The following SH3PXD2B variants were observed in gnomAD, a reference collection of about 807,000 sequenced individuals.
SH3PXD2B encodes SH3 and PX domain-containing protein 2B.
In SH3PXD2B, 37 loss-of-function variants were observed where a neutral mutation model predicts 73.1. The ratio of observed to expected loss-of-function variants is 0.51; its 90% CI spans 0.39 to 0.67. The LOEUF (loss-of-function observed/expected upper bound fraction) is 0.67. SH3PXD2B is among the 30% of genes least tolerant of loss of function. The pLI is 0.00. For synonymous variants in SH3PXD2B, 457 were observed against 480.5 expected, an observed-to-expected ratio of 0.95 and a Z score of 0.64; for missense variants, 1,053 against 1,197.8, an observed-to-expected ratio of 0.88 and a Z score of 1.78.
chr5:172,343,985 CA>C (rs1165638676), intron 12 of SH3PXD2B, among the ~76,000 whole-genome samples: 1 of 150,632 alleles, frequency 6.6e-6, no homozygotes, highest in African/African-American at 2.4e-5. Context: ...AAAAGAAAAA[CA>C]AACTAACCAA....
chr5:172,379,373 C>T (rs907604287), intron 5 of SH3PXD2B, among the ~76,000 whole-genome samples: 1 of 151,766 alleles, frequency 6.6e-6, no homozygotes, highest in Non-Finnish European at 1.5e-5. Context: ...CTCTCTCTCT[C>T]TCCCATGTGG....
At chr5:172,329,081 A>ATTTTTTTTT (rs67185423), downstream of SH3PXD2B, among the ~76,000 whole-genome samples, 11 of 68,210 alleles carry the variant, frequency 1.6e-4, no homozygotes, top group East Asian at 4.4e-4. Flanking sequence ...ATATATATAT[A>ATTTTTTTTT]TATTTTTTTT....
intron 6 of SH3PXD2B, among the ~76,000 whole-genome samples, chr5:172,367,794 T>A (rs1256254585): frequency 6.6e-6 from 1 of 152,084 alleles, no homozygotes; most frequent in East Asian, 1.9e-4. Context: ...CTTTCCTCAT[T>A]ACTACTGGTT....
chr5:172,441,736 G>A (rs1000702975), intron 1 of SH3PXD2B, among the ~76,000 whole-genome samples: 4 of 152,024 alleles, frequency 2.6e-5, no homozygotes, highest in African/African-American at 9.7e-5. Flanking sequence ...CTCCCTTCCC[G>A]CTGAGCTTGG....
chr5:172,437,780 T>C (rs920040028), intron 1 of SH3PXD2B, among the ~76,000 whole-genome samples: 9 of 152,246 alleles, frequency 5.9e-5, no homozygotes, highest in African/African-American at 2.2e-4. Context: ...GTGTTCCTAC[T>C]GCACTCTGTC....
intron 8 of SH3PXD2B, among the ~76,000 whole-genome samples, chr5:172,357,608 C>T (rs532894659): frequency 2.6e-5 from 4 of 152,184 alleles, no homozygotes; most frequent in African/African-American, 7.2e-5. Flanking sequence ...GGCGCTCTCA[C>T]GGTGGTCATC....
At chr5:172,439,690 G>GCACACACACACACACACACACACACACA (rs1488784600) in intron 1 of SH3PXD2B, among the ~76,000 whole-genome samples, 6 of 113,162 alleles carry the variant, frequency 5.3e-5, no homozygotes, top group Non-Finnish European at 1.1e-4. Flanking sequence ...GCGCACGCGC[G>GCACACACACACACACACACACACACACA]CGCACACACA....
chr5:172,399,076 G>C (rs1758371754), intron 3 of SH3PXD2B, among the ~76,000 whole-genome samples: 1 of 152,144 alleles, frequency 6.6e-6, no homozygotes, highest in South Asian at 2.1e-4. Flanking sequence ...GATTTGATCT[G>C]AATTTAACTG....
At chr5:172,449,089 GCAA>G (rs1275278583) in intron 1 of SH3PXD2B, among the ~76,000 whole-genome samples, 1 of 152,174 alleles carries the variant, frequency 6.6e-6, no homozygotes, top group Non-Finnish European at 1.5e-5. Flanking sequence ...CTGGAGCCTG[GCAA>G]ATCAAAGAGG....
At position 172,395,656 on chromosome 5, in the gene SH3PXD2B, T is replaced by C. The variant is rs188991425; in HGVS notation, c.233-1017A>G. Among the ~76,000 whole-genome samples the C allele has an allele frequency of 1.6e-3, 238 of 152,298 alleles. 1 individual carries two copies. Among genetic ancestry groups the C allele is most frequent in the African/African-American group, 5.4e-3 (226 of 41,556 alleles). On this transcript the variant is annotated intron_variant, in intron 3 of 12. Coordinates refer to ENST00000311601, the MANE Select transcript of SH3PXD2B (RefSeq NM_001017995.3). ...CACAGGATATCCTCTCTTGGGGAGA[T>C]AGTGGCGAAGCATATGCACTAAGGG...
intron 3 of SH3PXD2B, among the ~76,000 whole-genome samples, chr5:172,402,786 C>A (rs7705815): frequency 0.43 from 64,897 of 152,162 alleles, 15,079 homozygotes; most frequent in East Asian, 0.66. Flanking sequence ...CACCCAGCAC[C>A]GGGGTGGCCC....
At chr5:172,411,219 A>T (rs1249319563) in intron 2 of SH3PXD2B, among the ~76,000 whole-genome samples, 7 of 149,838 alleles carry the variant, frequency 4.7e-5, no homozygotes, top group African/African-American at 1.7e-4. Context: ...TTTTTTTTTT[A>T]AAGAATGCAC....
intron 4 of SH3PXD2B, among the ~76,000 whole-genome samples, chr5:172,391,763 C>A (rs1488355471): frequency 6.6e-6 from 1 of 152,196 alleles, no homozygotes; most frequent in Non-Finnish European, 1.5e-5. Flanking sequence ...GAGCCACTGG[C>A]CTGGCCATTT....
chr5:172,326,594 G>C (rs985771372), intron 12 of SH3PXD2B, among the ~76,000 whole-genome samples: 1 of 152,182 alleles, frequency 6.6e-6, no homozygotes, highest in Non-Finnish European at 1.5e-5. Context: ...TGTCCATTTT[G>C]AGAAAAATAA....
Position 172,338,301 on chromosome 5 carries a change from G to A in SH3PXD2B, c.*68C>T, listed in dbSNP as rs554544874. ...AGCTGCGTGGAGAATGATAAATTAA[G>A]AGGCGTATTAAATACGTGGGTAAAG... On this transcript the variant is annotated 3_prime_UTR_variant, in exon 13 of 13. Coordinates refer to ENST00000311601, the MANE Select transcript of SH3PXD2B (RefSeq NM_001017995.3). The surrounding 1 kb of genome is among the most constrained non-coding windows in gnomAD (Gnocchi z 5.1). 3.1e-6 allele frequency: 5 copies of A among 1,611,782 alleles called. No homozygotes were observed. In the Admixed American group the frequency reaches 8.3e-5, roughly 27 times the overall value.
At chr5:172,389,057 C>CTTTT (rs113765077) in intron 4 of SH3PXD2B, among the ~76,000 whole-genome samples, 2 of 136,544 alleles carry the variant, frequency 1.5e-5, no homozygotes, top group East Asian at 2.1e-4. Context: ...TTTACTTTTT[C>CTTTT]TTTTTTTTTT....
At chr5:172,424,684 A>G (rs779352919) in intron 1 of SH3PXD2B, among the ~76,000 whole-genome samples, 1 of 152,222 alleles carries the variant, frequency 6.6e-6, no homozygotes, top group Non-Finnish European at 1.5e-5. Flanking sequence ...AACACAGATT[A>G]TATTTCAAAA....
intron 10 of SH3PXD2B, among the ~76,000 whole-genome samples, chr5:172,349,921 CT>C (rs1757121296): frequency 6.6e-6 from 1 of 152,100 alleles, no homozygotes; most frequent in African/African-American, 2.4e-5. Flanking sequence ...AATGGTGCAT[CT>C]TGGCTCACTG....
In SH3PXD2B at chr5:172,338,791, A is replaced by T. The variant is rs1756767686; in HGVS notation, c.2314T>A (p.Ser772Thr). The T allele has an allele frequency of 6.2e-7, 1 of 1,614,008 alleles. No homozygotes were observed. The highest frequency in any genetic ancestry group is 8.5e-7 in the Non-Finnish European group (1 of 1,180,022). The change falls in exon 13 of 13, where the codon TCC becomes ACC. Residue 772 changes from serine (S) to threonine (T), a missense_variant. By Grantham distance (58) the Ser-to-Thr change is moderately conservative. Around this residue, in one of 2 missense-constraint regions of SH3PXD2B, gnomAD observed 587 missense variants for 590.7 expected, o/e 0.99. Coordinates refer to ENST00000311601, the MANE Select transcript of SH3PXD2B (RefSeq NM_001017995.3). The surrounding 1 kb of genome is among the most constrained non-coding windows in gnomAD (Gnocchi z 5.1). ...CCTCTGACCTCTGGGAGCGGCCTGG[A>T]TGACGAAGAGGTTTTCTTTGGGGGA... Reference protein sequence around the residue: ...PPPPKKTSSSSRPLPEVRGPQ... With the variant: ...PPPPKKTSSSTRPLPEVRGPQ...
Sources: allele counts gnomAD v4.1 joint callset (sites outside exome capture counted in the v4.1 genomes callset), GRCh38; gene constraint gnomAD v4.1.1; regional missense constraint gnomAD v4.1.1; non-coding constraint Gnocchi (gnomAD v3.1); transcripts MANE v1.5; gene names NCBI Gene and HGNC (gene_info 2026-07-23, HGNC 2026-07-21).